Variants in DACH1 observed in about 807,000 individuals in gnomAD.
DACH1 encodes dachshund homolog 1.
Under a neutral mutation model 54.2 loss-of-function variants are expected in DACH1, and 12 were observed. The observed-to-expected ratio is 0.22, with a 90% confidence interval of 0.14 to 0.36. The LOEUF is 0.36. DACH1 is among the 10% of genes least tolerant of loss of function. The pLI is 1.00. For missense variants in DACH1, 805 were observed against 929.8 expected, an observed-to-expected ratio of 0.87 and a Z score of 1.75; for synonymous variants, 386 against 366.2, an observed-to-expected ratio of 1.05 and a Z score of -0.62.
chr13:71,494,885 A>C (rs1404463655), intron 6 of DACH1, among the ~76,000 whole-genome samples: 1 of 152,102 alleles, frequency 6.6e-6, no homozygotes, highest in Non-Finnish European at 1.5e-5. Flanking sequence ...TGTAAGACAA[A>C]GTATTTTTCT....
chr13:71,449,866 C>G (rs1274485187), intron 10 of DACH1, among the ~76,000 whole-genome samples: 1 of 136,060 alleles, frequency 7.3e-6, no homozygotes, highest in African/African-American at 2.8e-5. Context: ...AAAACATGTT[C>G]TAATGAGAAC....
At position 71,439,266 on chromosome 13, in the gene DACH1, C is replaced by CA. The variant is rs1255405213; in HGVS notation, c.*1388dup. ...CTTTAAAGGTGTAATTCCAGATATG[C>CA]AAAAAACAAAGAGAAGGTAACTTTA... On this transcript the variant is annotated 3_prime_UTR_variant, in exon 11 of 11. Transcript: ENST00000613252. The CA allele has an allele frequency of 6.6e-6, 1 of 152,210 alleles. No homozygotes were observed. Among genetic ancestry groups the CA allele is most frequent in the African/African-American group, 2.4e-5 (1 of 41,370 alleles). The allele number at this position is 152,210 out of a possible 1,614,324, so 9.4% of individuals were successfully genotyped here.
intron 1 of DACH1, among the ~76,000 whole-genome samples, chr13:71,789,709 T>C (rs1031245015): frequency 2.0e-5 from 3 of 152,132 alleles, no homozygotes; most frequent in African/African-American, 7.2e-5. Flanking sequence ...AGTGAGTGAT[T>C]GTTGTGCAAT....
intron 2 of DACH1, among the ~76,000 whole-genome samples, chr13:71,653,211 G>T (rs943163174): frequency 6.6e-6 from 1 of 151,904 alleles, no homozygotes; most frequent in Non-Finnish European, 1.5e-5. Context: ...AATAAACCCC[G>T]CCCCTAAATC....
At chr13:71,506,293 C>A (rs1387490543) in intron 6 of DACH1, among the ~76,000 whole-genome samples, 1 of 124,040 alleles carries the variant, frequency 8.1e-6, no homozygotes, top group African/African-American at 3.0e-5. Context: ...CCCCTCCCCC[C>A]GCCCCACAAC....
At chr13:71,860,325 G>GTCAT (rs1874269170) in intron 1 of DACH1, among the ~76,000 whole-genome samples, 1 of 151,484 alleles carries the variant, frequency 6.6e-6, no homozygotes, top group African/African-American at 2.4e-5. Flanking sequence ...ATATGCTAAG[G>GTCAT]TCATTCTATT....
At chr13:71,748,493 C>T (rs139828375) in intron 1 of DACH1, among the ~76,000 whole-genome samples, 430 of 152,256 alleles carry the variant, frequency 2.8e-3, no homozygotes, top group Admixed American at 4.4e-3. Flanking sequence ...CTGCTTGCTT[C>T]GCTAGAATGA....
At chr13:71,851,645 T>C (rs996378436) in intron 1 of DACH1, among the ~76,000 whole-genome samples, 1 of 152,108 alleles carries the variant, frequency 6.6e-6, no homozygotes, top group Non-Finnish European at 1.5e-5. Context: ...AATCCCAGCG[T>C]AGCACATGCC....
intron 1 of DACH1, among the ~76,000 whole-genome samples, chr13:71,747,226 C>T (rs375736342): frequency 6.6e-6 from 1 of 151,890 alleles, no homozygotes; most frequent in South Asian, 2.1e-4. Context: ...GTAGTCCACA[C>T]ACTGTAATGT....
chr13:71,849,343 T>G (rs995477589), intron 1 of DACH1, among the ~76,000 whole-genome samples: 4 of 152,170 alleles, frequency 2.6e-5, no homozygotes, highest in African/African-American at 9.7e-5. Context: ...TGGCCACATG[T>G]AACTGTCTCA....
chr13:71,587,022 C>T (rs890917959), intron 3 of DACH1, among the ~76,000 whole-genome samples: 2 of 152,066 alleles, frequency 1.3e-5, no homozygotes, highest in Non-Finnish European at 2.9e-5. Context: ...AAGCAGGTCG[C>T]TACACATAGA....
At chr13:71,506,068 C>T (rs189112383) in intron 6 of DACH1, among the ~76,000 whole-genome samples, 375 of 151,830 alleles carry the variant, frequency 2.5e-3, no homozygotes, top group Non-Finnish European at 2.8e-3. Flanking sequence ...ATAAATACAA[C>T]TAAAATGAAA....
chr13:71,675,837 C>T (rs1348889114), intron 2 of DACH1, among the ~76,000 whole-genome samples: 1 of 152,198 alleles, frequency 6.6e-6, no homozygotes, highest in Admixed American at 6.5e-5. Context: ...TTCTTATTGA[C>T]GGCAACTAAA....
chr13:71,850,686 T>C (rs188517566), intron 1 of DACH1, among the ~76,000 whole-genome samples: 1 of 152,336 alleles, frequency 6.6e-6, no homozygotes, highest in East Asian at 1.9e-4. Context: ...AAAATTTGGA[T>C]TTAAAAATTC....
intron 1 of DACH1, among the ~76,000 whole-genome samples, chr13:71,744,836 C>G (rs1884540941): frequency 6.6e-6 from 1 of 152,146 alleles, no homozygotes; most frequent in Non-Finnish European, 1.5e-5. Context: ...TATGCTTTAG[C>G]AAACTCTAGA....
chr13:71,793,939 G>A (rs1473654725), intron 1 of DACH1, among the ~76,000 whole-genome samples: 1 of 152,108 alleles, frequency 6.6e-6, no homozygotes, highest in Non-Finnish European at 1.5e-5. Context: ...CCAAATCACA[G>A]TTCTGGTCTT....
Position 71,440,112 on chromosome 13 carries a change from A to AATT in DACH1, c.*540_*542dup, listed in dbSNP as rs975394068. ...AAAAATTCTTCAGGAGAAAACCCAC[A>AATT]ATTAGAGAGTTTGAAATTGAATGTA... On this transcript the variant is annotated 3_prime_UTR_variant, in exon 11 of 11. Transcript: ENST00000613252. 6.6e-6 allele frequency: 1 copy of AATT among 152,108 alleles called. No individual in the cohort carries two copies. The highest frequency in any genetic ancestry group is 2.4e-5 in the African/African-American group (1 of 41,406). 9.4% of individuals were successfully genotyped at this position (152,108 alleles called of 1,614,324 possible).
chr13:71,625,313 G>A (rs192357841), intron 3 of DACH1, among the ~76,000 whole-genome samples: 2 of 151,930 alleles, frequency 1.3e-5, no homozygotes, highest in African/African-American at 2.4e-5. Flanking sequence ...GGTGGCCTGC[G>A]TTCTCAGTTT....
intron 10 of DACH1, among the ~76,000 whole-genome samples, chr13:71,444,123 C>A (rs557658534): frequency 1.3e-5 from 2 of 152,044 alleles, no homozygotes; most frequent in East Asian, 3.9e-4. Context: ...ATAAACAGAA[C>A]AAAAATTTCT....
Sources: gnomAD v4.1 joint callset for allele counts (sites outside exome capture counted in the v4.1 genomes callset) on GRCh38, gnomAD v4.1.1 for gene constraint, MANE v1.5 for transcripts, NCBI Gene and HGNC (gene_info 2026-07-23, HGNC 2026-07-21) for gene names.